The following FBN2 variants were observed in gnomAD, a reference collection of about 807,000 sequenced individuals.
FBN2 encodes the protein fibrillin 2, also known as fibrillin-2.
FBN2 carries 105 observed loss-of-function variants against 355.6 expected under a neutral mutation model. That is an observed-to-expected ratio of 0.30 (90% CI 0.25 to 0.35). The LOEUF is 0.35. FBN2 is among the 10% of genes least tolerant of loss of function. FBN2 has a pLI of 1.00. For synonymous variants in FBN2, 1,350 were observed against 1,301.2 expected (o/e 1.04, Z -0.81); for missense variants, 3,280 against 3,758.7 (o/e 0.87, Z 3.33).
chr5:128,332,760 AAGG>A (rs1400845369), intron 32 of FBN2, 149 bp downstream of exon 32: 2 of 780,194 alleles, frequency 2.6e-6, no homozygotes, highest in Non-Finnish European at 4.5e-6. Context: ...ATTAAGGGTA[AAGG>A]ACACCCTTAG....
chr5:128,260,088 G>A (rs941654234), intron 64 of FBN2, among the ~76,000 whole-genome samples: 1 of 152,026 alleles, frequency 6.6e-6, no homozygotes, highest in Non-Finnish European at 1.5e-5. Context: ...GTAATTAAAG[G>A]TACAGGACTG....
intron 46 of FBN2, 64 bp from the exon 47 acceptor site, chr5:128,301,574 C>A (rs1320554073): frequency 2.7e-6 from 4 of 1,506,630 alleles, no homozygotes; most frequent in Non-Finnish European, 1.8e-6. Context: ...TTTCACAAGA[C>A]GCTACTTAAA....
At chr5:128,335,419 T>C (rs1750809776) in intron 29 of FBN2, 36 bp downstream of exon 29, 3 of 1,613,848 alleles carry the variant, frequency 1.9e-6, no homozygotes, top group African/African-American at 2.7e-5. Context: ...AAAAATTAGT[T>C]AGATGTACAA....
At chr5:128,479,131 C>T (rs755708031) in intron 5 of FBN2, among the ~76,000 whole-genome samples, 7 of 152,156 alleles carry the variant, frequency 4.6e-5, no homozygotes, top group Non-Finnish European at 7.3e-5. Context: ...TGTGACATGA[C>T]CGTAACACTC....
chr5:128,350,062 A>G, intron 21 of FBN2, 57 bp from the exon 22 acceptor site: 1 of 1,357,440 alleles, frequency 7.4e-7, no homozygotes, highest in Non-Finnish European at 1.1e-6. Flanking sequence ...CAACCATGGT[A>G]TGCTCAAGAA....
intron 7 of FBN2, among the ~76,000 whole-genome samples, chr5:128,409,385 G>A (rs1753009720): frequency 1.3e-5 from 2 of 152,228 alleles, no homozygotes; most frequent in South Asian, 4.1e-4. Flanking sequence ...GAAGTGTCCA[G>A]TTTTCCTATT....
At chr5:128,263,682 T>C in intron 62 of FBN2, 26 bp from the exon 63 acceptor site, 2 of 1,578,692 alleles carry the variant, frequency 1.3e-6, no homozygotes, top group Non-Finnish European at 1.7e-6. Context: ...AAGAAACTCT[T>C]ACACGGGGAA....
intron 7 of FBN2, among the ~76,000 whole-genome samples, chr5:128,415,353 T>C (rs2127008055): frequency 6.6e-6 from 1 of 152,308 alleles, no homozygotes; most frequent in East Asian, 1.9e-4. Flanking sequence ...CTCTTCATCC[T>C]CCACTATGGC....
At position 128,455,184 on chromosome 5, in the gene FBN2, T is replaced by C. The variant is rs182244098; in HGVS notation, c.827-8578A>G. ...CTTTGTAAGAAAATTATACATCATA[T>C]GCACATGGCAATTTGTTATATATTT... On this transcript the variant is annotated intron_variant, in intron 6 of 64. Coordinates refer to ENST00000262464, the MANE Select transcript of FBN2 (RefSeq NM_001999.4). Among the ~76,000 whole-genome samples, 10 of 152,328 alleles carry C rather than the reference T, an allele frequency of 6.6e-5. No individual in the cohort carries two copies. In the East Asian group the frequency reaches 1.7e-3, roughly 26 times the overall value.
chr5:128,519,888 AG>A (rs1187702183), intron 4 of FBN2, among the ~76,000 whole-genome samples: 3 of 152,086 alleles, frequency 2.0e-5, no homozygotes, highest in Non-Finnish European at 4.4e-5. Flanking sequence ...AAGGAAGCCA[AG>A]GGGGGAAAAG....
At chr5:128,319,884 C>T (rs1050352614) in intron 34 of FBN2, among the ~76,000 whole-genome samples, 3 of 152,128 alleles carry the variant, frequency 2.0e-5, no homozygotes, top group African/African-American at 7.2e-5. Context: ...TATAAATTGC[C>T]TAACACTCTG....
rs554161221 is a variant in FBN2, at chr5:128,508,786, G to C, written c.628+10487C>G. Among the ~76,000 whole-genome samples, 4 of 152,070 alleles carry C rather than the reference G, an allele frequency of 2.6e-5. No homozygotes were observed. The South Asian group carries it at 8.3e-4, about 31-fold the overall frequency. Reference sequence around the variant, plus strand: ...CTTACTGTGCAGGTGACTGGAAAATGAATTCTTCCCTTTTATATATTGGGA... The same window carrying C: ...CTTACTGTGCAGGTGACTGGAAAATCAATTCTTCCCTTTTATATATTGGGA... On this transcript the variant is annotated intron_variant, in intron 5 of 64. Coordinates refer to ENST00000262464, the MANE Select transcript of FBN2 (RefSeq NM_001999.4).
chr5:128,516,358 T>C (rs1276214611), intron 5 of FBN2, among the ~76,000 whole-genome samples: 1 of 151,082 alleles, frequency 6.6e-6, no homozygotes, highest in Non-Finnish European at 1.5e-5. Flanking sequence ...ACAATTAGCC[T>C]GTAACCACAA....
chr5:128,403,766 A>T (rs912234755), intron 8 of FBN2, among the ~76,000 whole-genome samples: 1 of 151,956 alleles, frequency 6.6e-6, no homozygotes, highest in African/African-American at 2.4e-5. Flanking sequence ...TTTCCTGGAT[A>T]TATAAAAAGA....
At chr5:128,370,727 A>G (rs978728286) in intron 15 of FBN2, among the ~76,000 whole-genome samples, 2 of 152,106 alleles carry the variant, frequency 1.3e-5, no homozygotes, top group Non-Finnish European at 2.9e-5. Context: ...TTTAGAGCAT[A>G]TGCCATGCAG....
rs28763938 is a variant in FBN2, at chr5:128,318,065, A to C, written c.4717+84T>G. On this transcript the variant is annotated intron_variant, in intron 36 of 64. Coordinates refer to ENST00000262464, the MANE Select transcript of FBN2 (RefSeq NM_001999.4). The stretch of plus-strand genomic sequence containing the variant: ...TTTTGTTTTTAAGTTAACTGTAGCA[A>C]ACACTCATCACGGTTCATTATCAAG... 9.4e-4 allele frequency: 1,336 copies of C among 1,417,556 alleles called. 12 individuals are homozygous for C. In the African/African-American group the frequency reaches 0.017, roughly 18 times the overall value. 87.8% of individuals were successfully genotyped at this position (1,417,556 alleles called of 1,614,324 possible).
chr5:128,393,339 G>A lies in FBN2; in HGVS notation c.1261C>T (p.Leu421Phe), dbSNP rs1419124825. ...CTCCCTGGAATTCCTCCCATTGGAA[G>A]TCCATCCATGCAAAGTCTGCGATAT... ...EEYRRLCMDG[L>F]PMGGIPGSAG... The change falls in exon 10 of 65, where the codon CTT becomes TTT. Residue 421 changes from leucine to phenylalanine, a missense_variant. Around this residue, in one of 6 missense-constraint regions of FBN2, gnomAD observed 343 missense variants for 331.0 expected, o/e 1.04. Coordinates refer to ENST00000262464, the MANE Select transcript of FBN2 (RefSeq NM_001999.4). 1 of 1,614,114 alleles carries A rather than the reference G, an allele frequency of 6.2e-7. No homozygotes were observed. Among genetic ancestry groups the A allele is most frequent in the East Asian group, 2.2e-5 (1 of 44,872 alleles).
chr5:128,391,229 T>C (rs1015456380), intron 11 of FBN2, among the ~76,000 whole-genome samples: 3 of 152,188 alleles, frequency 2.0e-5, no homozygotes, highest in Non-Finnish European at 4.4e-5. Context: ...GTCTATGCAA[T>C]ATTCCTCTTC....
chr5:128,503,930 G>A (rs541699652), intron 5 of FBN2, among the ~76,000 whole-genome samples: 1 of 152,186 alleles, frequency 6.6e-6, no homozygotes, highest in South Asian at 2.1e-4. Flanking sequence ...GGTTTCCTGG[G>A]CCTGGTCCCC....
Sources: allele counts gnomAD v4.1 joint callset (sites outside exome capture counted in the v4.1 genomes callset), GRCh38; gene constraint gnomAD v4.1.1; regional missense constraint gnomAD v4.1.1; transcripts MANE v1.5; gene names NCBI Gene and HGNC (gene_info 2026-07-23, HGNC 2026-07-21).